TAX1BP3: variants seen among roughly 807,000 people sequenced by gnomAD.
TAX1BP3 encodes tax1-binding protein 3.
TAX1BP3 carries 13 observed loss-of-function variants against 15.3 expected under a neutral mutation model. The observed-to-expected ratio is 0.85, with a 90% CI of 0.55 to 1.35. The LOEUF (loss-of-function observed/expected upper bound fraction) is 1.35. Among genes scored for constraint, TAX1BP3 ranks in the 40% most tolerant of loss-of-function variants. The pLI is 0.00. For missense variants in TAX1BP3, 147 were observed against 169.6 expected (o/e 0.87, Z 0.74); for synonymous variants, 70 against 66.0 (o/e 1.06, Z -0.30).
At chr17:3,665,623 C>G in intron 1 of TAX1BP3, 1 of 1,199,958 alleles carries the variant, frequency 8.3e-7, no homozygotes, top group Non-Finnish European at 1.2e-6. Context: ...CCTGCTCCAC[C>G]CAGGGAAGCA....
chr17:3,668,432 G>A lies in TAX1BP3; in HGVS notation c.39+56C>T, dbSNP rs1022110715. 18 of 1,588,518 alleles carry A rather than the reference G, an allele frequency of 1.1e-5. No homozygotes were observed. The highest frequency in any genetic ancestry group is 5.2e-5 in the Admixed American group (3 of 57,338). ...AACCTGCTTGGGGTGTCCGTTTCCC[G>A]CTCTGCGAGGTGGGGTCAGGCCAAG... On this transcript the variant is annotated intron_variant, in intron 1 of 3. Transcript: ENST00000225525. This position sits in a 1 kb window ranked among gnomAD's most constrained non-coding sequence, Gnocchi z 4.1.
At position 3,668,513 on chromosome 17, in the gene TAX1BP3, G is replaced by A; in HGVS notation, c.14C>T (p.Pro5Leu). 1.2e-6 allele frequency: 2 copies of A among 1,608,756 alleles called. No individual in the cohort carries two copies. The highest frequency in any genetic ancestry group is 1.7e-5 in the Admixed American group (1 of 59,664). The change falls in exon 1 of 4, where the codon CCG (proline) becomes CTG (leucine). Residue 5 changes from proline (P) to leucine (L), a missense_variant. Physicochemically the swap from Pro to Leu is moderately conservative, Grantham distance 98. Transcript: ENST00000225525. This position sits in a 1 kb window ranked among gnomAD's most constrained non-coding sequence, Gnocchi z 4.1. ...CACCACGGCGGTGACCGGCTGGCCC[G>A]GGATGTAGGACATCTCGACCCTGCT... is the stretch of plus-strand genomic sequence containing the variant. MSYI[P>L]GQPVTAVVQR...
Position 3,668,432 on chromosome 17 carries a change from G to T in TAX1BP3, c.39+56C>A. ...AACCTGCTTGGGGTGTCCGTTTCCC[G>T]CTCTGCGAGGTGGGGTCAGGCCAAG... On this transcript the variant is annotated intron_variant, in intron 1 of 3. Coordinates refer to ENST00000225525, the MANE Select transcript of TAX1BP3 (RefSeq NM_014604.4). This position sits in a 1 kb window ranked among gnomAD's most constrained non-coding sequence, Gnocchi z 4.1. The T allele has an allele frequency of 6.3e-7, 1 of 1,588,636 alleles. No homozygotes were observed. The highest frequency in any genetic ancestry group is 8.6e-7 in the Non-Finnish European group (1 of 1,166,754).
intron 1 of TAX1BP3, chr17:3,665,312 G>A: frequency 7.8e-7 from 1 of 1,282,448 alleles, no homozygotes; most frequent in East Asian, 2.3e-5. Context: ...CCACATATAT[G>A]CGAATCTATA....
At chr17:3,665,679 AT>A in intron 1 of TAX1BP3, 1 of 776,514 alleles carries the variant, frequency 1.3e-6, no homozygotes, top group South Asian at 1.3e-5. Context: ...GCTGGAACCT[AT>A]TCCCTATGAA....
At chr17:3,664,161 A>G (rs754309364) in intron 3 of TAX1BP3, 34 bp downstream of exon 3, 28 of 1,613,670 alleles carry the variant, frequency 1.7e-5, no homozygotes, top group Non-Finnish European at 1.9e-5. Context: ...TGCTTGCCCA[A>G]ACCTTGTTTC....
rs2076364658 is a variant in TAX1BP3 at position 3,668,379 on chromosome 17, G to C, written c.39+109C>G. 7.2e-7 allele frequency: 1 copy of C among 1,388,598 alleles called. No individual in the cohort carries two copies. 86.0% of individuals were successfully genotyped at this position (1,388,598 alleles called of 1,614,324 possible). A position where few individuals can be genotyped will look rare whatever the true frequency, so the allele number is the denominator to read the frequency against. On this transcript the variant is annotated intron_variant, in intron 1 of 3. Coordinates refer to ENST00000225525, the MANE Select transcript of TAX1BP3 (RefSeq NM_014604.4). The surrounding 1 kb of genome is among the most constrained non-coding windows in gnomAD (Gnocchi z 4.1). ...GGACCCGAGCCCTTGCCGCCGGTTC[G>C]CAGGAGCCCCGGGTTCGATGCTCTG...
At chr17:3,665,635 A>G in intron 1 of TAX1BP3, 2 of 1,162,046 alleles carry the variant, frequency 1.7e-6, no homozygotes, top group South Asian at 2.4e-5. Flanking sequence ...AGGGAAGCAC[A>G]CTTTGTGAGA....
In TAX1BP3 at chr17:3,663,696, G is replaced by C; in HGVS notation, c.*52C>G. On this transcript the variant is annotated 3_prime_UTR_variant, in exon 4 of 4. Transcript: ENST00000225525. ...CCAGATGGGGACAGAGTGTGGAAGT[G>C]GCGTTACTGTACAGAGAGGCGGCAG... 1 of 1,565,940 alleles carries C rather than the reference G, an allele frequency of 6.4e-7. No homozygotes were observed. The highest frequency in any genetic ancestry group is 8.6e-7 in the Non-Finnish European group (1 of 1,157,130).
Position 3,666,882 on chromosome 17 carries a change from C to T in TAX1BP3, c.39+1606G>A, listed in dbSNP as rs983857558. On this transcript the variant is annotated intron_variant, in intron 1 of 3. Coordinates refer to ENST00000225525, the MANE Select transcript of TAX1BP3 (RefSeq NM_014604.4). The stretch of plus-strand genomic sequence containing the variant: ...AGCTCCTCCAGGCCTGCTCTGCCGG[C>T]ACGGTCAGAAGATTACAGGCCCTTG... Among the ~76,000 whole-genome samples the T allele has an allele frequency of 6.6e-5, 10 of 152,226 alleles. 1 individual carries two copies. Among genetic ancestry groups the T allele is most frequent in the African/African-American group, 2.4e-4 (10 of 41,464 alleles).
Position 3,663,850 on chromosome 17 carries a change from G to A in TAX1BP3, c.273C>T (p.Asp91=). Residue 91 remains aspartate, a synonymous_variant, in exon 4 of 4, where the codon GAC becomes GAT. Transcript: ENST00000225525. The part of the protein sequence containing the change: ...NGWDMTMVTH[D]QARKRLTKRS... ...GCTTGGTGAGCCGCTTGCGGGCCTG[G>A]TCGTGTGTGACCATGGTCATGTCCC... 6.2e-7 allele frequency: 1 copy of A among 1,609,492 alleles called. No individual in the cohort carries two copies. The highest frequency in any genetic ancestry group is 8.5e-7 in the Non-Finnish European group (1 of 1,179,958).
rs371552103 is a variant in TAX1BP3 at position 3,668,413 on chromosome 17, C to A, written c.39+75G>T. The A allele has an allele frequency of 1.3e-6, 2 of 1,570,196 alleles. No individual in the cohort carries two copies. The highest frequency in any genetic ancestry group is 1.8e-5 in the Admixed American group (1 of 56,078). On this transcript the variant is annotated intron_variant, in intron 1 of 3. Coordinates refer to ENST00000225525, the MANE Select transcript of TAX1BP3 (RefSeq NM_014604.4). This position sits in a 1 kb window ranked among gnomAD's most constrained non-coding sequence, Gnocchi z 4.1. The stretch of plus-strand genomic sequence containing the variant: ...CCGGGTTCGATGCTCTGTCAACCTG[C>A]TTGGGGTGTCCGTTTCCCGCTCTGC...
chr17:3,667,150 C>A (rs1168966353), intron 1 of TAX1BP3, among the ~76,000 whole-genome samples: 1 of 151,948 alleles, frequency 6.6e-6, no homozygotes, highest in Non-Finnish European at 1.5e-5. Flanking sequence ...TCAAGACAAG[C>A]CTGGCCAACA....
Position 3,664,361 on chromosome 17 carries a change from G to A in TAX1BP3, c.160-89C>T, listed in dbSNP as rs181528353. On this transcript the variant is annotated intron_variant, in intron 2 of 3. Coordinates refer to ENST00000225525, the MANE Select transcript of TAX1BP3 (RefSeq NM_014604.4). ...AAGCCAGCATGGCACATTCTCAGCCGTCCCTCTGTCCCTGCACCCAGCCTC... is the reference window on the plus strand; with the variant it reads ...AAGCCAGCATGGCACATTCTCAGCCATCCCTCTGTCCCTGCACCCAGCCTC... 37 of 1,430,750 alleles carry A rather than the reference G, an allele frequency of 2.6e-5. 1 individual carries two copies. The highest frequency in any genetic ancestry group is 1.9e-4 in the South Asian group (16 of 85,072). The allele number at this position is 1,430,750 out of a possible 1,614,324, so 88.6% of individuals were successfully genotyped here.
Position 3,663,731 on chromosome 17 carries a change from G to A in TAX1BP3, c.*17C>T, listed in dbSNP as rs761543066. The A allele has an allele frequency of 4.1e-5, 65 of 1,591,174 alleles. No homozygotes were observed. Among genetic ancestry groups the A allele is most frequent in the East Asian group, 3.8e-4 (17 of 44,444 alleles). The stretch of plus-strand genomic sequence containing the variant: ...TACAGAGAGGCGGCAGGCAGGAGTC[G>A]CAGATGGTGGTGGCTGCTAGGACAG... On this transcript the variant is annotated 3_prime_UTR_variant, in exon 4 of 4. Transcript: ENST00000225525.
At chr17:3,665,216 C>G in intron 1 of TAX1BP3, 1 of 1,309,244 alleles carries the variant, frequency 7.6e-7, no homozygotes, top group African/African-American at 1.4e-5. Flanking sequence ...AGTAATTCGC[C>G]AAAATGACGA....
At chr17:3,664,174 C>T (rs1297762359) in intron 3 of TAX1BP3, 21 bp downstream of exon 3, 3 of 1,614,046 alleles carry the variant, frequency 1.9e-6, no homozygotes, top group Admixed American at 1.7e-5. Context: ...CTTGTTTCTC[C>T]TCCTTTGGGA....
intron 1 of TAX1BP3, chr17:3,665,768 AAGG>A (rs2076334425): frequency 1.7e-6 from 1 of 594,642 alleles, no homozygotes; most frequent in South Asian, 1.7e-5. Flanking sequence ...AAAAAAAAGA[AAGG>A]AGAGGAAGGG....
intron 1 of TAX1BP3, among the ~76,000 whole-genome samples, chr17:3,666,840 C>T (rs571215341): frequency 3.3e-5 from 5 of 152,292 alleles, no homozygotes; most frequent in Non-Finnish European, 7.3e-5. Flanking sequence ...GTGCCTGGGT[C>T]CTCATGCCCC....
Sources: gnomAD v4.1 joint callset for allele counts (sites outside exome capture counted in the v4.1 genomes callset) on GRCh38, gnomAD v4.1.1 for gene constraint, Gnocchi (gnomAD v3.1) non-coding constraint, MANE v1.5 for transcripts, NCBI Gene and HGNC (gene_info 2026-07-23, HGNC 2026-07-21) for gene names.